Variants in DGKB observed in about 807,000 individuals in gnomAD.
DGKB encodes the protein diacylglycerol kinase beta.
DGKB carries 67 observed loss-of-function variants against 114.3 expected under a neutral mutation model. The ratio of observed to expected loss-of-function variants is 0.59; its 90% CI spans 0.48 to 0.72. The LOEUF (loss-of-function observed/expected upper bound fraction) is 0.72, where lower values mean the gene tolerates loss of function less well. DGKB is among the 30% of genes least tolerant of loss of function. The pLI is 0.00. For synonymous variants in DGKB, 398 were observed against 323.1 expected, an observed-to-expected ratio of 1.23 and a Z score of -2.49; for missense variants, 907 against 975.2, an observed-to-expected ratio of 0.93 and a Z score of 0.93.
chr7:14,179,557 C>A (rs1358505703), intron 23 of DGKB, among the ~76,000 whole-genome samples: 1 of 152,100 alleles, frequency 6.6e-6, no homozygotes, highest in Non-Finnish European at 1.5e-5. Context: ...ACAGAAAGTG[C>A]TCACTCCTCA....
intron 1 of DGKB, among the ~76,000 whole-genome samples, chr7:14,957,808 T>A (rs894821324): frequency 6.6e-5 from 10 of 152,088 alleles, no homozygotes; most frequent in African/African-American, 9.7e-5. Context: ...CTGAAATTAT[T>A]TAATTTGGCA....
rs182254530 is a variant in DGKB, at chr7:14,860,608, G to A, written c.-187-19158C>T. On this transcript the variant is annotated intron_variant, in intron 1 of 25. Transcript: ENST00000402815. ...GAATAATATGTAAATCCTAAGAGAC[G>A]AGTATTTCAGTGGCCGAACATTTAT... 3.4e-4 allele frequency among the ~76,000 whole-genome samples: 52 copies of A among 151,996 alleles called. 1 individual carries two copies. The highest frequency in any genetic ancestry group is 3.1e-3 in the Admixed American group (48 of 15,254).
chr7:14,757,472 GT>G (rs1381202255), intron 3 of DGKB, among the ~76,000 whole-genome samples, 182 bp downstream of exon 3: 1 of 141,298 alleles, frequency 7.1e-6, no homozygotes, highest in East Asian at 2.2e-4. Flanking sequence ...GGTTTATGGT[GT>G]GCATATATAT....
chr7:14,407,297 G>T (rs1240300767), intron 21 of DGKB, among the ~76,000 whole-genome samples: 1 of 152,086 alleles, frequency 6.6e-6, no homozygotes, highest in Non-Finnish European at 1.5e-5. Flanking sequence ...TATGTCTATT[G>T]TTCAACGTTG....
chr7:14,792,191 C>T (rs528274359), intron 2 of DGKB, among the ~76,000 whole-genome samples: 1 of 152,118 alleles, frequency 6.6e-6, no homozygotes, highest in Non-Finnish European at 1.5e-5. Context: ...CTACAGGTTA[C>T]TCAGCATCTC....
At chr7:14,928,363 CT>C (rs1372210092) in intron 1 of DGKB, among the ~76,000 whole-genome samples, 1 of 151,940 alleles carries the variant, frequency 6.6e-6, no homozygotes, top group African/African-American at 2.4e-5. Context: ...CAGAATTTCA[CT>C]TTAGTTTCTC....
At position 14,477,872 on chromosome 7, in the gene DGKB, C is replaced by T. The variant is rs115194619; in HGVS notation, c.1835+289G>A. Among the ~76,000 whole-genome samples, 368 of 152,092 alleles carry T rather than the reference C, an allele frequency of 2.4e-3. 1 individual carries two copies. Among genetic ancestry groups the T allele is most frequent in the African/African-American group, 8.3e-3 (346 of 41,514 alleles). ...TGTTCATATACGTCATGAAAACTTC[C>T]AGTGTGTCTTAAAACTATTAATTTC... On this transcript the variant is annotated intron_variant, in intron 21 of 25. Transcript: ENST00000402815.
rs1359468798 is a variant in DGKB at position 14,148,477 on chromosome 7, A to AATT, written c.*651_*653dup. On this transcript the variant is annotated 3_prime_UTR_variant, in exon 26 of 26. Transcript: ENST00000402815. ...GTAACATGTTTTCACTTATTTCTGG[A>AATT]ATTAAAAAGAAAACTAAGCAAAATA... The AATT allele has an allele frequency of 6.6e-6, 1 of 152,644 alleles. No homozygotes were observed. Among genetic ancestry groups the AATT allele is most frequent in the Non-Finnish European group, 1.5e-5 (1 of 68,072 alleles). 9.5% of individuals were successfully genotyped at this position (152,644 alleles called of 1,614,324 possible). A position where few individuals can be genotyped will look rare whatever the true frequency, so the allele number is the denominator to read the frequency against.
At chr7:14,356,334 G>C (rs1486944679) in intron 21 of DGKB, among the ~76,000 whole-genome samples, 2 of 134,442 alleles carry the variant, frequency 1.5e-5, no homozygotes, top group Admixed American at 7.5e-5. Flanking sequence ...CAATTTGTTT[G>C]CTCTTGCTTC....
At chr7:14,397,166 G>T (rs1277171118) in intron 21 of DGKB, among the ~76,000 whole-genome samples, 1 of 152,044 alleles carries the variant, frequency 6.6e-6, no homozygotes, top group East Asian at 1.9e-4. Flanking sequence ...TGTTCTTGAA[G>T]ATAGAAAATT....
chr7:14,449,612 C>T (rs1244677370), intron 21 of DGKB, among the ~76,000 whole-genome samples: 1 of 151,966 alleles, frequency 6.6e-6, no homozygotes, highest in Non-Finnish European at 1.5e-5. Flanking sequence ...TTTCAATTGC[C>T]TATAATATCT....
At chr7:14,627,966 C>CA (rs966499000) in intron 14 of DGKB, among the ~76,000 whole-genome samples, 14 of 149,350 alleles carry the variant, frequency 9.4e-5, no homozygotes, top group Admixed American at 4.0e-4. Flanking sequence ...AAAAAAACAA[C>CA]AAAAAAAACC....
At chr7:14,346,436 A>G (rs1812489721) in intron 21 of DGKB, among the ~76,000 whole-genome samples, 1 of 151,964 alleles carries the variant, frequency 6.6e-6, no homozygotes, top group African/African-American at 2.4e-5. Flanking sequence ...AACATAGTCA[A>G]TAATGTTTAG....
At chr7:14,906,731 G>A (rs1438674938), upstream of DGKB, among the ~76,000 whole-genome samples, 3 of 152,254 alleles carry the variant, frequency 2.0e-5, no homozygotes, top group South Asian at 2.1e-4. Context: ...GATTACAGGC[G>A]TGAGCCACAG....
intron 8 of DGKB, among the ~76,000 whole-genome samples, chr7:14,697,823 A>T (rs1045604757): frequency 6.8e-6 from 1 of 147,838 alleles, no homozygotes; most frequent in African/African-American, 2.5e-5. Context: ...AAAGGAAAGG[A>T]GAGAGAGAGA....
intron 17 of DGKB, among the ~76,000 whole-genome samples, chr7:14,592,569 T>C (rs1801881480): frequency 6.6e-6 from 1 of 151,984 alleles, no homozygotes; most frequent in Admixed American, 6.6e-5. Flanking sequence ...ATTTATGGTC[T>C]AGAAAACCAA....
At chr7:14,155,706 G>T (rs185155244) in intron 25 of DGKB, among the ~76,000 whole-genome samples, 1 of 152,198 alleles carries the variant, frequency 6.6e-6, no homozygotes, top group African/African-American at 2.4e-5. Flanking sequence ...TGGATGTGTG[G>T]GGCACTGGAA....
At chr7:14,355,875 T>C (rs1416592975) in intron 21 of DGKB, among the ~76,000 whole-genome samples, 1 of 152,214 alleles carries the variant, frequency 6.6e-6, no homozygotes, top group Non-Finnish European at 1.5e-5. Context: ...CTCGTACCTC[T>C]GGTAGAATTC....
intron 1 of DGKB, among the ~76,000 whole-genome samples, chr7:14,909,507 A>T (rs1448547866): frequency 6.6e-6 from 1 of 152,154 alleles, no homozygotes; most frequent in East Asian, 1.9e-4. Flanking sequence ...AGAAATTGAA[A>T]AAAAAATGTT....
Sources: allele counts gnomAD v4.1 joint callset (sites outside exome capture counted in the v4.1 genomes callset), GRCh38; gene constraint gnomAD v4.1.1; transcripts MANE v1.5; gene names NCBI Gene and HGNC (gene_info 2026-07-23, HGNC 2026-07-21).